Variants in STOX1 observed in about 807,000 individuals in gnomAD.
STOX1 encodes the protein storkhead-box protein 1.
STOX1 carries 57 observed loss-of-function variants against 74.8 expected under a neutral mutation model. The observed-to-expected ratio is 0.76, with a 90% CI of 0.62 to 0.95. STOX1 has a LOEUF of 0.95. Among genes scored for constraint, STOX1 ranks in the 40% least tolerant of loss-of-function variants. The pLI, the probability that STOX1 is intolerant of heterozygous loss-of-function variation, is 0.00. For missense variants in STOX1, 1,010 were observed against 1,117.0 expected (o/e 0.90, Z 1.37); for synonymous variants, 375 against 401.3 (o/e 0.93, Z 0.78).
intron 1 of STOX1, among the ~76,000 whole-genome samples, chr10:68,841,444 A>G (rs1293234176): frequency 6.6e-6 from 1 of 152,170 alleles, no homozygotes; most frequent in Non-Finnish European, 1.5e-5. Flanking sequence ...TTCTATAGAT[A>G]GTTTATAAAT....
intron 1 of STOX1, among the ~76,000 whole-genome samples, chr10:68,856,812 A>G (rs1312346957): frequency 2.0e-5 from 3 of 152,032 alleles, no homozygotes; most frequent in Non-Finnish European, 4.4e-5. Flanking sequence ...ATCTCTAAGA[A>G]TTTCCAGGTC....
chr10:68,883,183 C>T (rs1483297789), intron 2 of STOX1, among the ~76,000 whole-genome samples: 1 of 150,404 alleles, frequency 6.6e-6, no homozygotes, highest in Non-Finnish European at 1.5e-5. Flanking sequence ...TGACAACATC[C>T]TGGCCAATAT....
chr10:68,833,993 C>T (rs879646744), intron 1 of STOX1, among the ~76,000 whole-genome samples: 21 of 152,152 alleles, frequency 1.4e-4, no homozygotes, highest in Non-Finnish European at 2.8e-4. Flanking sequence ...CTGGCTGGTT[C>T]ACACAATCTT....
intron 1 of STOX1, among the ~76,000 whole-genome samples, chr10:68,880,239 A>G (rs949309490): frequency 2.7e-5 from 4 of 149,234 alleles, no homozygotes; most frequent in Non-Finnish European, 5.9e-5. Flanking sequence ...CAGGAGTGCA[A>G]TGGTGCAGTC....
At chr10:68,828,389 C>G (rs1243784041) in intron 1 of STOX1, 1 of 804,078 alleles carries the variant, frequency 1.2e-6, no homozygotes, top group East Asian at 5.6e-5. Context: ...GCTCTGAGGG[C>G]CCGGGGGCTG....
At chr10:68,864,914 A>G (rs1205910663) in intron 1 of STOX1, among the ~76,000 whole-genome samples, 2 of 152,216 alleles carry the variant, frequency 1.3e-5, no homozygotes, top group Non-Finnish European at 2.9e-5. Flanking sequence ...AAAGTCATTC[A>G]ATGTTTTTAA....
intron 1 of STOX1, among the ~76,000 whole-genome samples, chr10:68,862,806 CGTT>C (rs1840292678): frequency 6.6e-6 from 1 of 152,096 alleles, no homozygotes; most frequent in African/African-American, 2.4e-5. Flanking sequence ...CCATAGGAAT[CGTT>C]GTGCAGCACC....
chr10:68,839,168 T>G (rs1300403664), intron 1 of STOX1, among the ~76,000 whole-genome samples: 1 of 152,072 alleles, frequency 6.6e-6, no homozygotes, highest in Admixed American at 6.6e-5. Flanking sequence ...TTTATGCAAA[T>G]AGGAAAAACA....
intron 1 of STOX1, among the ~76,000 whole-genome samples, chr10:68,874,522 T>G (rs1418476224): frequency 1.3e-5 from 2 of 152,166 alleles, no homozygotes; most frequent in Non-Finnish European, 2.9e-5. Context: ...CTCCATATAT[T>G]AATTTATAAT....
At chr10:68,867,174 T>C (rs1019492919) in intron 1 of STOX1, among the ~76,000 whole-genome samples, 1 of 152,014 alleles carries the variant, frequency 6.6e-6, no homozygotes, top group African/African-American at 2.4e-5. Flanking sequence ...CTCAATCTCC[T>C]GACCTCGTGA....
At chr10:68,887,787 G>T (rs1230002236) in intron 3 of STOX1, among the ~76,000 whole-genome samples, 4 of 141,024 alleles carry the variant, frequency 2.8e-5, no homozygotes, top group Admixed American at 1.4e-4. Context: ...TAGAGACGGG[G>T]TTTTGCCATG....
intron 1 of STOX1, among the ~76,000 whole-genome samples, chr10:68,847,725 T>G (rs995558197): frequency 3.3e-5 from 5 of 150,662 alleles, no homozygotes; most frequent in Admixed American, 2.0e-4. Flanking sequence ...AGAAGTTTTT[T>G]TTTTGTTTTG....
rs769109765 is a variant in STOX1 at position 68,885,128 on chromosome 10, AG to A, written c.1334del (p.Gly445GlufsTer27). 1 of 1,613,210 alleles carries A rather than the reference AG, an allele frequency of 6.2e-7. No homozygotes were observed. Among genetic ancestry groups the A allele is most frequent in the East Asian group, 2.2e-5 (1 of 44,886 alleles). On this transcript the variant is annotated frameshift_variant, in exon 3 of 4. Transcript: ENST00000298596. LOFTEE classifies it high-confidence loss of function. Reference protein sequence around the residue: ...ARNQGSEFQPGSIRLEKHPKL... With the variant: ...ARNQGSEFQPXSIRLEKHPKL... ...GGAATCAGGGAAGTGAGTTTCAGCC[AG>A]GAAGCATTAGACTGGAGAAACACCC...
chr10:68,858,588 G>A lies in STOX1; in HGVS notation c.311-23370G>A, dbSNP rs141273917. On this transcript the variant is annotated intron_variant, in intron 1 of 3. Transcript: ENST00000298596. ...TAATATTTCAGAGGCCACAGAGTCT[G>A]TAATCAACTTGAAAGCAGCTGGGAG... Among the ~76,000 whole-genome samples the A allele has an allele frequency of 3.2e-3, 489 of 152,226 alleles. 6 individuals are homozygous for A. The highest frequency in any genetic ancestry group is 0.011 in the African/African-American group (457 of 41,468).
intron 1 of STOX1, among the ~76,000 whole-genome samples, chr10:68,873,682 A>T: frequency 9.3e-6 from 1 of 107,368 alleles, no homozygotes; most frequent in African/African-American, 3.7e-5. Context: ...TTTGAGACGG[A>T]GTCTCGCTTT....
At chr10:68,888,840 G>T (rs1399807417) in intron 3 of STOX1, among the ~76,000 whole-genome samples, 42 of 92,314 alleles carry the variant, frequency 4.5e-4, no homozygotes, top group African/African-American at 1.8e-3. Context: ...TTTTTGGAGA[G>T]ATGGGGTTTC....
chr10:68,873,223 C>A (rs866404981), intron 1 of STOX1, among the ~76,000 whole-genome samples: 1 of 149,978 alleles, frequency 6.7e-6, no homozygotes, highest in African/African-American at 2.5e-5. Context: ...GGAGCAGGGA[C>A]CCTCTTTTTA....
chr10:68,857,661 C>G (rs78732656), intron 1 of STOX1, among the ~76,000 whole-genome samples: 8,310 of 152,246 alleles, frequency 0.055, 266 homozygotes, highest in Middle Eastern at 0.11. Flanking sequence ...TTGCTACTGA[C>G]TGCTCCTTTG....
At chr10:68,833,116 C>T (rs1048295761) in intron 1 of STOX1, among the ~76,000 whole-genome samples, 3 of 134,136 alleles carry the variant, frequency 2.2e-5, no homozygotes, top group Admixed American at 8.1e-5. Context: ...GACAGAGTCT[C>T]ACTCTGTCGC....
Sources: allele counts gnomAD v4.1 joint callset (sites outside exome capture counted in the v4.1 genomes callset), GRCh38; gene constraint gnomAD v4.1.1; transcripts MANE v1.5; gene names NCBI Gene and HGNC (gene_info 2026-07-23, HGNC 2026-07-21).